Variants in TTC6 observed in about 807,000 individuals in gnomAD.
The protein encoded by TTC6 is tetratricopeptide repeat protein 6.
TTC6 carries 172 observed loss-of-function variants against 210.4 expected under a neutral mutation model. That is an observed-to-expected ratio of 0.82 (90% CI 0.72 to 0.93). The LOEUF (loss-of-function observed/expected upper bound fraction) is 0.93. TTC6 is among the 40% of genes least tolerant of loss of function. The pLI is 0.00. For missense variants in TTC6, 2,414 were observed against 2,318.1 expected (o/e 1.04, Z -0.85); for synonymous variants, 804 against 819.6 (o/e 0.98, Z 0.32).
chr14:37,659,551 G>C (rs914852436), intron 1 of TTC6, among the ~76,000 whole-genome samples: 53 of 150,800 alleles, frequency 3.5e-4, no homozygotes, highest in African/African-American at 9.3e-4. Flanking sequence ...TTTTGAGATG[G>C]AGTTTCACTC....
intron 4 of TTC6, among the ~76,000 whole-genome samples, chr14:37,700,129 T>C (rs1159408199): frequency 6.6e-6 from 1 of 152,100 alleles, no homozygotes; most frequent in Non-Finnish European, 1.5e-5. Flanking sequence ...GGATTTGATT[T>C]GATGAAAAGA....
chr14:37,625,306 G>T (rs958356963), intron 1 of TTC6, among the ~76,000 whole-genome samples: 3 of 152,086 alleles, frequency 2.0e-5, no homozygotes, highest in Non-Finnish European at 4.4e-5. Context: ...CCAGCACTTT[G>T]GGAGGCTGAG....
At chr14:37,616,536 T>C (rs970704503) in intron 2 of TTC6, among the ~76,000 whole-genome samples, 2 of 152,182 alleles carry the variant, frequency 1.3e-5, no homozygotes, top group East Asian at 3.9e-4. Flanking sequence ...TCTGTAAAGA[T>C]GCATCTGTGA....
At chr14:37,808,363 G>T (rs796518461) in intron 23 of TTC6, among the ~76,000 whole-genome samples, 3 of 152,184 alleles carry the variant, frequency 2.0e-5, no homozygotes, top group Non-Finnish European at 4.4e-5. Context: ...TAGTCAGAGT[G>T]ACAGAAGCAA....
At chr14:37,600,941 G>A (rs936184452) in intron 1 of TTC6, among the ~76,000 whole-genome samples, 1 of 152,228 alleles carries the variant, frequency 6.6e-6, no homozygotes, top group African/African-American at 2.4e-5. Context: ...CTACTGCTTA[G>A]CTTACCTTGC....
At chr14:37,657,349 TA>T (rs34169689) in intron 1 of TTC6, among the ~76,000 whole-genome samples, 14,936 of 139,350 alleles carry the variant, frequency 0.11, 855 homozygotes, top group Non-Finnish European at 0.13. Context: ...GCTTTCTATT[TA>T]AAAAAAAAAA....
chr14:37,619,267 T>C (rs1956430), upstream of TTC6, among the ~76,000 whole-genome samples: 11,512 of 152,186 alleles, frequency 0.076, 524 homozygotes, highest in East Asian at 0.12. Flanking sequence ...AGAAAGCCTA[T>C]TGATTCCCAG....
At chr14:37,604,679 G>T (rs2095621866) in intron 1 of TTC6, among the ~76,000 whole-genome samples, 1 of 152,094 alleles carries the variant, frequency 6.6e-6, no homozygotes, top group Non-Finnish European at 1.5e-5. Flanking sequence ...GGGAAGGAGA[G>T]GGGAGATGAG....
At chr14:37,696,552 T>C in intron 3 of TTC6, 165 bp from the exon 6 acceptor site, 1 of 377,154 alleles carries the variant, frequency 2.7e-6, no homozygotes, top group Admixed American at 4.5e-5. Flanking sequence ...ATGTAAAATT[T>C]AGGAATGGAT....
chr14:37,600,919 C>CACAGAGCAAAACTACTGCT (rs1177717621), intron 1 of TTC6, among the ~76,000 whole-genome samples: 2 of 152,170 alleles, frequency 1.3e-5, no homozygotes, highest in Non-Finnish European at 2.9e-5. Flanking sequence ...TTCTATGGAC[C>CACAGAGCAAAACTACTGCT]ACAGAGCAAA....
intron 1 of TTC6, among the ~76,000 whole-genome samples, chr14:37,647,807 C>G (rs1226688387): frequency 6.6e-6 from 1 of 151,948 alleles, no homozygotes; most frequent in Non-Finnish European, 1.5e-5. Context: ...CAAGGACATG[C>G]CACTGTTAGA....
intron 14 of TTC6, 55 bp from the exon 17 acceptor site, chr14:37,787,413 A>G: frequency 8.0e-7 from 1 of 1,242,772 alleles, no homozygotes; most frequent in Non-Finnish European, 1.1e-6. Context: ...AGGTTTACCA[A>G]AAAGAGAAAA....
chr14:37,694,868 T>G (rs2095811634), intron 3 of TTC6, among the ~76,000 whole-genome samples: 1 of 151,640 alleles, frequency 6.6e-6, no homozygotes, highest in Admixed American at 6.6e-5. Flanking sequence ...ATGGCAAAAC[T>G]CCATCACTAC....
intron 1 of TTC6, among the ~76,000 whole-genome samples, chr14:37,643,953 G>A (rs777109725): frequency 6.6e-6 from 1 of 152,120 alleles, no homozygotes; most frequent in African/African-American, 2.4e-5. Context: ...AACAGTTTAC[G>A]GAATTATGGC....
chr14:37,791,510 T>G (rs987863045), intron 16 of TTC6, among the ~76,000 whole-genome samples: 2 of 152,140 alleles, frequency 1.3e-5, no homozygotes, highest in African/African-American at 4.8e-5. Context: ...ACTTAATCTA[T>G]CCAAGGTAAA....
At chr14:37,828,806 G>T (rs1477315006) in intron 29 of TTC6, among the ~76,000 whole-genome samples, 2 of 151,940 alleles carry the variant, frequency 1.3e-5, no homozygotes, top group Non-Finnish European at 2.9e-5. Context: ...GGAAGTCTAT[G>T]TTATTAATTA....
exon 5 of TTC6, chr14:37,701,441 A>G (rs1172775651): frequency 7.2e-6 from 11 of 1,532,394 alleles, no homozygotes; most frequent in Middle Eastern, 1.7e-4. Context: ...TCACACTGCT[A>G]ACAGGAAAGG....
intron 14 of TTC6, among the ~76,000 whole-genome samples, chr14:37,787,151 G>A (rs1308658063): frequency 6.6e-6 from 1 of 152,024 alleles, no homozygotes; most frequent in Admixed American, 6.6e-5. Context: ...ACATTTTTGG[G>A]AATCAATAAA....
intron 14 of TTC6, among the ~76,000 whole-genome samples, chr14:37,771,009 A>C (rs1471823944): frequency 8.3e-6 from 1 of 120,746 alleles, no homozygotes; most frequent in African/African-American, 3.0e-5. Flanking sequence ...GTGGTGACAA[A>C]ATCTCTCAGC....
Sources: gnomAD v4.1 joint callset for allele counts (sites outside exome capture counted in the v4.1 genomes callset) on GRCh38, gnomAD v4.1.1 for gene constraint, MANE v1.5 for transcripts, NCBI Gene and HGNC (gene_info 2026-07-23, HGNC 2026-07-21) for gene names.